Variants in TSEN2 observed in about 807,000 individuals in gnomAD.
TSEN2 encodes the protein tRNA splicing endonuclease subunit 2.
In TSEN2, 54 loss-of-function variants were observed where a neutral mutation model predicts 59.2. That is an observed-to-expected ratio of 0.91 (90% CI 0.73 to 1.14). TSEN2 has a LOEUF of 1.14. TSEN2 is among the 50% of genes most tolerant of loss of function. The pLI, the probability that TSEN2 is intolerant of heterozygous loss-of-function variation, is 0.00. For missense variants in TSEN2, 636 were observed against 576.2 expected, an observed-to-expected ratio of 1.10 and a Z score of -1.06; for synonymous variants, 195 against 198.2, an observed-to-expected ratio of 0.98 and a Z score of 0.14.
chr3:12,520,322 A>T (rs1407567138), intron 8 of TSEN2, among the ~76,000 whole-genome samples: 1 of 152,114 alleles, frequency 6.6e-6, no homozygotes, highest in African/African-American at 2.4e-5. Flanking sequence ...TCTGATAGGG[A>T]GACTACAGTT....
At chr3:12,520,981 C>A (rs2056591668) in intron 8 of TSEN2, among the ~76,000 whole-genome samples, 1 of 152,178 alleles carries the variant, frequency 6.6e-6, no homozygotes. Context: ...TTGTTCCCTT[C>A]TTTGTGTTCA....
intron 6 of TSEN2, among the ~76,000 whole-genome samples, chr3:12,507,616 C>T (rs2054981426): frequency 6.6e-6 from 1 of 152,188 alleles, no homozygotes; most frequent in South Asian, 2.1e-4. Flanking sequence ...TGGGTACCTA[C>T]TATGTGCCAG....
chr3:12,487,990 G>A (rs539520120), intron 1 of TSEN2, among the ~76,000 whole-genome samples: 2 of 152,192 alleles, frequency 1.3e-5, no homozygotes, highest in South Asian at 4.2e-4. Context: ...CTTTTTCATG[G>A]TTATCTTTGT....
Position 12,490,073 on chromosome 3 carries a change from C to G in TSEN2, c.189+84C>G, listed in dbSNP as rs1171298475. On this transcript the variant is annotated intron_variant, in intron 2 of 11. Transcript: ENST00000284995. ...TCCTTCTCCCCATCCCAGCCATACC[C>G]CCACACCAACCATGAACAATGTGTA... 3 of 1,220,322 alleles carry G rather than the reference C, an allele frequency of 2.5e-6. No homozygotes were observed. The East Asian group carries it at 7.0e-5, about 28-fold the overall frequency. The allele number at this position is 1,220,322 out of a possible 1,614,324, so 75.6% of individuals were successfully genotyped here.
intron 4 of TSEN2, among the ~76,000 whole-genome samples, chr3:12,502,488 A>G (rs1034254491): frequency 6.6e-6 from 1 of 152,110 alleles, no homozygotes; most frequent in African/African-American, 2.4e-5. Flanking sequence ...GTGAGCCGAA[A>G]TCGTGCCACT....
At chr3:12,491,957 A>G (rs1196856409) in intron 2 of TSEN2, among the ~76,000 whole-genome samples, 179 bp from the exon 3 acceptor site, 2 of 152,220 alleles carry the variant, frequency 1.3e-5, no homozygotes, top group Non-Finnish European at 2.9e-5. Context: ...GCCTACGTAG[A>G]CTATATATAA....
chr3:12,530,133 G>C lies in TSEN2; in HGVS notation c.1248+260G>C, dbSNP rs866481167. ...TGACGGAGCTTTGGAGTGTCCCATG[G>C]TGATCTGATCTGGGTAGGCATTGCT... On this transcript the variant is annotated intron_variant, in intron 10 of 11. Coordinates refer to ENST00000284995, the MANE Select transcript of TSEN2 (RefSeq NM_025265.4). 11 of 1,374,430 alleles carry C rather than the reference G, an allele frequency of 8.0e-6. 1 individual carries two copies. In the African/African-American group the frequency reaches 8.7e-5, roughly 11 times the overall value. The allele number at this position is 1,374,430 out of a possible 1,614,324, so 85.1% of individuals were successfully genotyped here. A position where few individuals can be genotyped will look rare whatever the true frequency, so the allele number is the denominator to read the frequency against.
At chr3:12,496,996 A>G (rs1378180947) in intron 4 of TSEN2, among the ~76,000 whole-genome samples, 1 of 152,032 alleles carries the variant, frequency 6.6e-6, no homozygotes, top group Non-Finnish European at 1.5e-5. Context: ...TGACTCCCCA[A>G]ACACACACAT....
chr3:12,489,302 G>T (rs1273125088), intron 1 of TSEN2, among the ~76,000 whole-genome samples: 1 of 152,140 alleles, frequency 6.6e-6, no homozygotes, highest in South Asian at 2.1e-4. Context: ...AGTGTGTATT[G>T]TAAGATCCTC....
chr3:12,491,923 A>T (rs2053255357), intron 2 of TSEN2, among the ~76,000 whole-genome samples: 1 of 152,234 alleles, frequency 6.6e-6, no homozygotes, highest in Non-Finnish European at 1.5e-5. Context: ...AGTAGCCTAG[A>T]GATGACTTAA....
At chr3:12,528,199 T>C (rs1475646875) in intron 8 of TSEN2, among the ~76,000 whole-genome samples, 2 of 152,218 alleles carry the variant, frequency 1.3e-5, no homozygotes, top group African/African-American at 4.8e-5. Context: ...TTGCATTACG[T>C]TGATCTGAAA....
At chr3:12,529,390 C>G (rs977427556) in intron 9 of TSEN2, among the ~76,000 whole-genome samples, 2 of 147,464 alleles carry the variant, frequency 1.4e-5, no homozygotes, top group East Asian at 3.9e-4. Flanking sequence ...TGCTTGAACC[C>G]AGGAGGCGGA....
intron 6 of TSEN2, among the ~76,000 whole-genome samples, chr3:12,506,373 T>C (rs1285978157): frequency 6.6e-6 from 1 of 152,068 alleles, no homozygotes; most frequent in Non-Finnish European, 1.5e-5. Flanking sequence ...GGCAGGCAGA[T>C]AGCTTGAGCC....
At chr3:12,489,437 T>A (rs912803280) in intron 1 of TSEN2, among the ~76,000 whole-genome samples, 1 of 152,140 alleles carries the variant, frequency 6.6e-6, no homozygotes, top group Admixed American at 6.5e-5. Context: ...GTGAGTGAAA[T>A]GGAAGCACTC....
intron 8 of TSEN2, 110 bp downstream of exon 8, chr3:12,519,307 C>T (rs1395018697): frequency 2.0e-6 from 3 of 1,484,994 alleles, no homozygotes; most frequent in Non-Finnish European, 2.8e-6. Context: ...AGAAGGTATC[C>T]TTTGGGTTTA....
At chr3:12,489,333 AAGATTTAATT>A (rs1456805603) in intron 1 of TSEN2, among the ~76,000 whole-genome samples, 1 of 152,176 alleles carries the variant, frequency 6.6e-6, no homozygotes, top group Non-Finnish European at 1.5e-5. Flanking sequence ...AAGTGCCTGC[AAGATTTAATT>A]TGTTGAGGAC....
At chr3:12,530,265 C>T in intron 10 of TSEN2, 11 of 1,006,266 alleles carry the variant, frequency 1.1e-5, no homozygotes, top group Non-Finnish European at 1.3e-5. Context: ...GTTTGCAGAT[C>T]TCTTAGAGAG....
At chr3:12,485,742 G>T (rs563910164) in intron 1 of TSEN2, among the ~76,000 whole-genome samples, 3 of 152,224 alleles carry the variant, frequency 2.0e-5, no homozygotes, top group East Asian at 3.9e-4. Context: ...TAAATAACCT[G>T]CAGTGACTCC....
At chr3:12,523,932 T>C (rs1185259261) in intron 8 of TSEN2, among the ~76,000 whole-genome samples, 1 of 152,208 alleles carries the variant, frequency 6.6e-6, no homozygotes, top group Non-Finnish European at 1.5e-5. Flanking sequence ...ACGTACATAA[T>C]CCATATTAAT....
Sources: gnomAD v4.1 joint callset for allele counts (sites outside exome capture counted in the v4.1 genomes callset) on GRCh38, gnomAD v4.1.1 for gene constraint, MANE v1.5 for transcripts, NCBI Gene and HGNC (gene_info 2026-07-23, HGNC 2026-07-21) for gene names.